Variants in LIMA1 observed in about 807,000 individuals in gnomAD.
LIMA1 encodes the protein LIM domain and actin-binding protein 1.
In LIMA1, 52 loss-of-function variants were observed where a neutral mutation model predicts 62.6. The observed-to-expected ratio is 0.83, with a 90% CI of 0.67 to 1.05. The LOEUF (loss-of-function observed/expected upper bound fraction) is 1.05. LIMA1 is among the 50% of genes least tolerant of loss of function. The pLI, the probability that LIMA1 is intolerant of heterozygous loss-of-function variation, is 0.00. For missense variants in LIMA1, 780 were observed against 902.2 expected (o/e 0.86, Z 1.74); for synonymous variants, 302 against 317.8 (o/e 0.95, Z 0.53).
chr12:50,201,194 C>G (rs1941042859), intron 6 of LIMA1: 118 of 1,077,468 alleles, frequency 1.1e-4, no homozygotes, highest in Non-Finnish European at 1.3e-4. Flanking sequence ...ATTCACTCTT[C>G]TAGCAGCAGA....
intron 1 of LIMA1, among the ~76,000 whole-genome samples, chr12:50,256,655 G>C (rs1210780392): frequency 6.6e-6 from 1 of 151,926 alleles, no homozygotes; most frequent in African/African-American, 2.4e-5. Context: ...TGAAAGTATT[G>C]GTCAGATATT....
rs768804966 is a variant in LIMA1 at position 50,248,623 on chromosome 12, C to A, written c.119+10G>T. 5.1e-5 allele frequency: 78 copies of A among 1,538,724 alleles called. No homozygotes were observed. Among genetic ancestry groups the A allele is most frequent in the Non-Finnish European group, 6.8e-5 (76 of 1,111,594 alleles). Reference sequence around the variant, plus strand: ...ACAGATGGTCCTTTTGGACCAGGATCAGCACTTACTTGGAGAATATTTCCA... The same window carrying A: ...ACAGATGGTCCTTTTGGACCAGGATAAGCACTTACTTGGAGAATATTTCCA... On this transcript the variant is annotated intron_variant, in intron 2 of 10. Coordinates refer to ENST00000341247, the MANE Select transcript of LIMA1 (RefSeq NM_016357.5).
chr12:50,176,247 G>C lies in LIMA1; in HGVS notation c.*817C>G, dbSNP rs549937271. On this transcript the variant is annotated 3_prime_UTR_variant, in exon 11 of 11. Transcript: ENST00000341247. ...ACTTTGCTCTAACACGGAAGATGGG[G>C]GACAGTGATCCCGAAGGTATTACTA... 2 of 152,208 alleles carry C rather than the reference G, an allele frequency of 1.3e-5. No homozygotes were observed. Among genetic ancestry groups the C allele is most frequent in the South Asian group, 2.1e-4 (1 of 4,816 alleles). The allele number at this position is 152,208 out of a possible 1,614,324, so 9.4% of individuals were successfully genotyped here. A position where few individuals can be genotyped will look rare whatever the true frequency, so the allele number is the denominator to read the frequency against.
intron 1 of LIMA1, among the ~76,000 whole-genome samples, chr12:50,273,092 G>C (rs1942234925): frequency 6.7e-6 from 1 of 148,490 alleles, no homozygotes; most frequent in Admixed American, 6.7e-5. Context: ...TTTTTTTTAA[G>C]AGGGAGCCTT....
chr12:50,221,484 T>A (rs1480961685), intron 4 of LIMA1, among the ~76,000 whole-genome samples: 6 of 152,206 alleles, frequency 3.9e-5, no homozygotes, highest in African/African-American at 1.2e-4. Context: ...CTATAGCTAG[T>A]CTGGCTATCT....
rs140694583 is a variant in LIMA1 at position 50,279,489 on chromosome 12, G to C, written c.-24+3931C>G. ...CACTTACATGGAGGTGATAGTGGAA[G>C]TCATGGAAAGAAATCAGATTATAAA... On this transcript the variant is annotated intron_variant, in intron 1 of 10. Coordinates refer to ENST00000341247, the MANE Select transcript of LIMA1 (RefSeq NM_016357.5). 7.8e-3 allele frequency among the ~76,000 whole-genome samples: 1,185 copies of C among 152,216 alleles called. 10 individuals are homozygous for C. The highest frequency in any genetic ancestry group is 0.027 in the African/African-American group (1,115 of 41,538).
intron 2 of LIMA1, among the ~76,000 whole-genome samples, chr12:50,233,116 TAAC>T (rs746866757): frequency 3.0e-4 from 46 of 152,352 alleles, no homozygotes; most frequent in African/African-American, 8.7e-4. Context: ...TGCTCTGATA[TAAC>T]AACAAGATCC....
At chr12:50,190,719 C>A (rs1423598037) in intron 9 of LIMA1, among the ~76,000 whole-genome samples, 4 of 77,880 alleles carry the variant, frequency 5.1e-5, no homozygotes, top group African/African-American at 8.5e-5. Context: ...TTTTTTTTTT[C>A]AGAAAATGGG....
intron 7 of LIMA1, among the ~76,000 whole-genome samples, chr12:50,196,571 T>C (rs1940935306): frequency 6.6e-6 from 1 of 152,210 alleles, no homozygotes; most frequent in Admixed American, 6.5e-5. Context: ...CTCCCTCCTT[T>C]CTACTGGCCC....
At chr12:50,208,992 C>CT (rs34753640) in intron 4 of LIMA1, among the ~76,000 whole-genome samples, 48,264 of 136,268 alleles carry the variant, frequency 0.35, 8,818 homozygotes, top group South Asian at 0.47. Flanking sequence ...TTCTTTCTTT[C>CT]TTTTTTTTTT....
chr12:50,254,979 T>C (rs115929236), intron 1 of LIMA1, among the ~76,000 whole-genome samples: 2,098 of 151,416 alleles, frequency 0.014, 45 homozygotes, highest in African/African-American at 0.049. Flanking sequence ...AGAAAAATTG[T>C]GTCACTGCAC....
At chr12:50,234,075 C>A in intron 2 of LIMA1, 2 of 446,936 alleles carry the variant, frequency 4.5e-6, no homozygotes, top group Admixed American at 2.9e-5. Flanking sequence ...ATTTTTATTA[C>A]TTGGATTGGA....
intron 3 of LIMA1, 93 bp from the exon 4 acceptor site, chr12:50,222,578 C>A: frequency 6.4e-7 from 1 of 1,572,788 alleles, no homozygotes; most frequent in Non-Finnish European, 8.6e-7. Context: ...AAACTCCAAG[C>A]TGCTCCTGGT....
intron 9 of LIMA1, 48 bp from the exon 10 acceptor site, chr12:50,182,085 C>T (rs777479006): frequency 6.2e-7 from 1 of 1,609,056 alleles, no homozygotes; most frequent in South Asian, 1.1e-5. Flanking sequence ...GATGAGTTAG[C>T]ACTGTCTTGA....
At chr12:50,181,326 A>G (rs1353610748) in intron 10 of LIMA1, among the ~76,000 whole-genome samples, 1 of 152,192 alleles carries the variant, frequency 6.6e-6, no homozygotes, top group African/African-American at 2.4e-5. Context: ...GGAAAGCTGG[A>G]GAAAGTGACA....
At chr12:50,194,580 G>A (rs1182743441) in intron 8 of LIMA1, among the ~76,000 whole-genome samples, 3 of 151,916 alleles carry the variant, frequency 2.0e-5, no homozygotes, top group Non-Finnish European at 4.4e-5. Context: ...TTACAGGTGT[G>A]AGCCACTGCG....
intron 2 of LIMA1, among the ~76,000 whole-genome samples, chr12:50,233,704 T>C (rs1941646562): frequency 6.6e-6 from 1 of 152,138 alleles, no homozygotes; most frequent in Non-Finnish European, 1.5e-5. Flanking sequence ...TTGTATTTTT[T>C]ACTAAAGACA....
At chr12:50,233,856 T>C (rs1941648570) in intron 2 of LIMA1, among the ~76,000 whole-genome samples, 1 of 152,176 alleles carries the variant, frequency 6.6e-6, no homozygotes, top group Non-Finnish European at 1.5e-5. Flanking sequence ...CACTTAAAAA[T>C]GTCTTTTAAA....
In LIMA1 at chr12:50,177,481, C is replaced by A; in HGVS notation, c.1863G>T (p.Gln621His). 1 of 1,614,020 alleles carries A rather than the reference C, an allele frequency of 6.2e-7. No individual in the cohort carries two copies. The highest frequency in any genetic ancestry group is 8.5e-7 in the Non-Finnish European group (1 of 1,179,994). Reference protein sequence around the residue: ...PIRKGWSMSEQSEESVGGRVA... With the variant: ...PIRKGWSMSEHSEESVGGRVA... ...CTCTTCCACCCACAGACTCTTCACT[C>A]TGCTCTGACATGCTCCAGCCTTTCC... Residue 621 changes from glutamine (Q) to histidine (H), a missense_variant, in exon 11 of 11, where the codon CAG becomes CAT. Physicochemically the swap from Gln to His is conservative, Grantham distance 24 (BLOSUM62 0). Transcript: ENST00000341247.
Sources: allele counts gnomAD v4.1 joint callset (sites outside exome capture counted in the v4.1 genomes callset), GRCh38; gene constraint gnomAD v4.1.1; transcripts MANE v1.5; gene names NCBI Gene and HGNC (gene_info 2026-07-23, HGNC 2026-07-21).